Variants in XK observed in about 807,000 individuals in gnomAD.
XK encodes the protein X-linked Kx blood group antigen, Kell and VPS13A binding protein, also known as endoplasmic reticulum membrane adapter protein XK.
XK carries 2 observed loss-of-function variants against 14.0 expected under a neutral mutation model. The ratio of observed to expected loss-of-function variants is 0.14; its 90% CI spans 0.06 to 0.45. The LOEUF (loss-of-function observed/expected upper bound fraction) is 0.45. Ranked by LOEUF, XK falls within the 20% of genes least tolerant of loss-of-function variation. The pLI is 0.98. For synonymous variants in XK, 149 were observed against 147.5 expected, an observed-to-expected ratio of 1.01 and a Z score of -0.08; for missense variants, 235 against 341.5, an observed-to-expected ratio of 0.69 and a Z score of 2.46.
chrX:37,714,692 C>G (rs1556447426), intron 2 of XK, among the ~76,000 whole-genome samples: 1 of 111,698 alleles, frequency 9.0e-6, no homozygotes, highest in Non-Finnish European at 1.9e-5. Context: ...ATAGGCCTAT[C>G]TAACAGTTGC....
chrX:37,708,025 GA>G (rs781863482), intron 2 of XK, among the ~76,000 whole-genome samples: 5 of 112,545 alleles, frequency 4.4e-5, no homozygotes, highest in Non-Finnish European at 7.5e-5. Context: ...CCAACACAGC[GA>G]AACCCCATCT....
chrX:37,702,702 C>T (rs1556444110), intron 2 of XK, among the ~76,000 whole-genome samples: 1 of 112,158 alleles, frequency 8.9e-6, no homozygotes, highest in Non-Finnish European at 1.9e-5. Flanking sequence ...ATCTGATTCA[C>T]TTCATTAATT....
At chrX:37,698,321 A>C (rs1927341398) in intron 2 of XK, among the ~76,000 whole-genome samples, 1 of 110,480 alleles carries the variant, frequency 9.1e-6, no homozygotes, top group Non-Finnish European at 1.9e-5. Flanking sequence ...AGGGAAATTG[A>C]GCCAGACACA....
intron 2 of XK, among the ~76,000 whole-genome samples, chrX:37,707,043 A>G (rs1927540331): frequency 8.9e-6 from 1 of 112,678 alleles, no homozygotes; most frequent in Non-Finnish European, 1.9e-5. Context: ...TTCTACACAG[A>G]CACAGCAACC....
At chrX:37,693,691 T>C (rs1158534896) in intron 1 of XK, among the ~76,000 whole-genome samples, 1 of 111,834 alleles carries the variant, frequency 8.9e-6, no homozygotes, top group Non-Finnish European at 1.9e-5. Flanking sequence ...GGTAACATGT[T>C]GTGGTCTCCC....
chrX:37,710,897 G>A lies in XK; in HGVS notation c.508+16349G>A, dbSNP rs530038445. 9.0e-5 allele frequency among the ~76,000 whole-genome samples: 10 copies of A among 111,716 alleles called. No homozygotes were observed. The South Asian group carries it at 3.8e-3, about 42-fold the overall frequency. On this transcript the variant is annotated intron_variant, in intron 2 of 2. Coordinates refer to ENST00000378616, the MANE Select transcript of XK (RefSeq NM_021083.4). ...CCCCACAGAATGTGGAAATGCCGGT[G>A]CACAGGCCTGAGTGCCACCGATTCT...
chrX:37,707,326 C>T lies in XK; in HGVS notation c.508+12778C>T, dbSNP rs1367003189. Among the ~76,000 whole-genome samples the T allele has an allele frequency of 4.3e-4, 47 of 110,500 alleles. 2 individuals are homozygous for T. Among genetic ancestry groups the T allele is most frequent in the Non-Finnish European group, 1.1e-4 (6 of 52,518 alleles). Reference sequence around the variant, plus strand: ...CGGGGGCTGACCCCCACCTCCCTCCCGGACGGGGTGGCTGCCGGGCGGAGA... The same window carrying T: ...CGGGGGCTGACCCCCACCTCCCTCCTGGACGGGGTGGCTGCCGGGCGGAGA... On this transcript the variant is annotated intron_variant, in intron 2 of 2. Transcript: ENST00000378616.
At chrX:37,705,168 A>G (rs1004232682) in intron 2 of XK, among the ~76,000 whole-genome samples, 2 of 111,033 alleles carry the variant, frequency 1.8e-5, no homozygotes, top group South Asian at 3.8e-4. Flanking sequence ...AAGAGAAGCC[A>G]GGCGTGGTAG....
intron 2 of XK, among the ~76,000 whole-genome samples, chrX:37,724,401 A>G (rs1400100198): frequency 9.0e-6 from 1 of 111,626 alleles, no homozygotes; most frequent in Non-Finnish European, 1.9e-5. Flanking sequence ...AAAACAGTCA[A>G]CTGATCTTTG....
intron 2 of XK, among the ~76,000 whole-genome samples, chrX:37,709,964 T>C (rs1176335867): frequency 8.9e-6 from 1 of 111,758 alleles, no homozygotes; most frequent in African/African-American, 3.3e-5. Context: ...ATCTCCTCAG[T>C]CCAGATTTTA....
chrX:37,711,491 C>A (rs1284083163), intron 2 of XK, among the ~76,000 whole-genome samples: 6 of 112,638 alleles, frequency 5.3e-5, no homozygotes, highest in Non-Finnish European at 1.1e-4. Context: ...GATAAGACTT[C>A]AGCCTCTCTG....
intron 2 of XK, among the ~76,000 whole-genome samples, chrX:37,704,162 A>G (rs782502785): frequency 6.3e-5 from 7 of 111,730 alleles, no homozygotes; most frequent in South Asian, 3.8e-4. Flanking sequence ...CTCTAAGACA[A>G]TCCTTCTTTG....
At chrX:37,686,564 A>T (rs1927081949) in intron 1 of XK, among the ~76,000 whole-genome samples, 1 of 112,030 alleles carries the variant, frequency 8.9e-6, no homozygotes, top group East Asian at 2.8e-4. Context: ...GTTGTCACAA[A>T]CCCTTGGGAA....
At chrX:37,709,431 G>A (rs1927615573) in intron 2 of XK, among the ~76,000 whole-genome samples, 1 of 111,742 alleles carries the variant, frequency 8.9e-6, no homozygotes, top group East Asian at 2.8e-4. Flanking sequence ...TTTAACAGGA[G>A]TAAGTCTAGC....
chrX:37,700,128 A>G (rs1927383109), intron 2 of XK, among the ~76,000 whole-genome samples: 1 of 111,475 alleles, frequency 9.0e-6, no homozygotes, highest in Non-Finnish European at 1.9e-5. Context: ...CCTGGTTGTT[A>G]TTCTCTAGTA....
intron 2 of XK, among the ~76,000 whole-genome samples, chrX:37,718,384 A>G (rs1927805999): frequency 8.9e-6 from 1 of 112,140 alleles, no homozygotes; most frequent in South Asian, 3.6e-4. Context: ...CATGAAAGTT[A>G]TCCATATTGC....
In XK at chrX:37,730,087, T is replaced by C. The variant is rs1382967700; in HGVS notation, c.*1625T>C. 8.9e-6 allele frequency: 1 copy of C among 111,905 alleles called. No homozygotes were observed. Among genetic ancestry groups the C allele is most frequent in the African/African-American group, 3.2e-5 (1 of 30,817 alleles). The allele number at this position is 111,905 out of a possible 1,213,427, so 9.2% of individuals were successfully genotyped here. The stretch of plus-strand genomic sequence containing the variant: ...TATAGAGCCTCAATTTTGGTTTTTC[T>C]CATTTGAAATGTTTTTGATTTATCA... On this transcript the variant is annotated 3_prime_UTR_variant, in exon 3 of 3. Coordinates refer to ENST00000378616, the MANE Select transcript of XK (RefSeq NM_021083.4).
intron 1 of XK, among the ~76,000 whole-genome samples, chrX:37,688,788 A>G (rs1927146875): frequency 8.9e-6 from 1 of 112,058 alleles, no homozygotes; most frequent in South Asian, 3.7e-4. Context: ...ATGACATAAT[A>G]TATATAAAAA....
At chrX:37,688,191 G>C (rs1352930349) in intron 1 of XK, among the ~76,000 whole-genome samples, 2 of 107,513 alleles carry the variant, frequency 1.9e-5, no homozygotes, top group African/African-American at 6.8e-5. Flanking sequence ...CTCCTGAGTA[G>C]CTGGGACTAC....
Sources: gnomAD v4.1 joint callset for allele counts (sites outside exome capture counted in the v4.1 genomes callset) on GRCh38, gnomAD v4.1.1 for gene constraint, MANE v1.5 for transcripts, NCBI Gene and HGNC (gene_info 2026-07-23, HGNC 2026-07-21) for gene names.